STK11IP: variants seen among roughly 807,000 people sequenced by gnomAD.
STK11IP encodes the protein serine/threonine-protein kinase 11-interacting protein.
In STK11IP, 103 loss-of-function variants were observed where a neutral mutation model predicts 131.7. The observed-to-expected ratio is 0.78, with a 90% confidence interval of 0.67 to 0.92. The LOEUF (loss-of-function observed/expected upper bound fraction) is 0.92. STK11IP is among the 40% of genes least tolerant of loss of function. STK11IP has a pLI of 0.00. For missense variants in STK11IP, 1,315 were observed against 1,385.7 expected (o/e 0.95, Z 0.81); for synonymous variants, 557 against 575.6 (o/e 0.97, Z 0.46).
chr2:219,611,822 A>G lies in STK11IP; in HGVS notation c.2323A>G (p.Ser775Gly), dbSNP rs778041028. Residue 775 changes from serine to glycine, a missense_variant, in exon 18 of 25, where the codon AGC (serine) becomes GGC (glycine). Transcript: ENST00000456909. ...APSTRDHGSW[S>G]LSPPPERCGL... ...GAGCACCCGTGACCATGGTAGTTGG[A>G]GCCTCAGTCCCCGTGAGTATAGGCA... 6.2e-7 allele frequency: 1 copy of G among 1,612,348 alleles called. No individual in the cohort carries two copies. The highest frequency in any genetic ancestry group is 8.5e-7 in the Non-Finnish European group (1 of 1,179,498).
intron 16 of STK11IP, 74 bp from the exon 17 acceptor site, chr2:219,609,289 G>A (rs1299003552): frequency 6.3e-7 from 1 of 1,580,250 alleles, no homozygotes; most frequent in Non-Finnish European, 8.6e-7. Context: ...GCAGGCCTGA[G>A]GGCCGGGGGC....
chr2:219,608,857 T>C, intron 15 of STK11IP, 69 bp downstream of exon 15: 5 of 1,426,652 alleles, frequency 3.5e-6, no homozygotes, highest in Non-Finnish European at 4.7e-6. Context: ...TGCCCTGCAC[T>C]GGGCTGGGCA....
chr2:219,607,909 G>T (rs1698245040), intron 13 of STK11IP, 138 bp from the exon 14 acceptor site: 1 of 1,145,894 alleles, frequency 8.7e-7, no homozygotes. Context: ...ATGCCGCGGA[G>T]GGGACGCCTG....
At chr2:219,608,892 T>A in intron 15 of STK11IP, 104 bp downstream of exon 15, 1 of 1,294,428 alleles carries the variant, frequency 7.7e-7, no homozygotes, top group Non-Finnish European at 1.0e-6. Context: ...TCCTTGGCAC[T>A]AGGAGCCGAG....
At chr2:219,607,214 G>T in intron 13 of STK11IP, 77 bp downstream of exon 13, 1 of 1,399,226 alleles carries the variant, frequency 7.1e-7, no homozygotes, top group Non-Finnish European at 1.0e-6. Context: ...GTGAAGATCT[G>T]CTGGAAGAAA....
At position 219,614,533 on chromosome 2, in the gene STK11IP, G is replaced by A. The variant is rs747326290; in HGVS notation, c.2856G>A (p.Ala952=). The A allele has an allele frequency of 4.2e-5, 67 of 1,613,652 alleles. No individual in the cohort carries two copies. The highest frequency in any genetic ancestry group is 5.3e-5 in the African/African-American group (4 of 74,938). ...LEARQFFYLR[A]FLVEGPSTCL... ...CTCGCCAGTTCTTCTACCTTCGGGC[G>A]TTCCTGGTTGAAGGTGAAGCCTCTG... Residue 952 remains alanine, a synonymous_variant, in exon 23 of 25, where the codon GCG becomes GCA. Coordinates refer to ENST00000456909, the MANE Select transcript of STK11IP (RefSeq NM_052902.4).
intron 20 of STK11IP, 59 bp downstream of exon 20, chr2:219,613,284 T>TGGGGTGAGTTGGGGGGAGAG (rs1559187362): frequency 2.2e-5 from 2 of 90,614 alleles, no homozygotes; most frequent in South Asian, 5.9e-5. Flanking sequence ...TGGGGGGAGA[T>TGGGGTGAGTTGGGGGGAGAG]GGGGGAGTGA....
chr2:219,616,319 A>G lies in STK11IP; in HGVS notation c.*126A>G. The G allele has an allele frequency of 7.7e-7, 1 of 1,301,694 alleles. No individual in the cohort carries two copies. The highest frequency in any genetic ancestry group is 1.0e-6 in the Non-Finnish European group (1 of 965,994). 80.6% of individuals were successfully genotyped at this position (1,301,694 alleles called of 1,614,324 possible). On this transcript the variant is annotated 3_prime_UTR_variant, in exon 25 of 25. Transcript: ENST00000456909. ...TTCAGCCTCTGGGTGCTGGCCAGTG[A>G]GGTCCCAAATGACCCAGGGCTTAAG...
intron 19 of STK11IP, 90 bp downstream of exon 19, chr2:219,612,148 T>TA: frequency 8.4e-7 from 1 of 1,196,322 alleles, no homozygotes; most frequent in Non-Finnish European, 1.2e-6. Context: ...TCAAGCACTC[T>TA]AGAGACCTGA....
Position 219,613,137 on chromosome 2 carries a change from G to A in STK11IP, c.2449G>A (p.Ala817Thr). The A allele has an allele frequency of 6.2e-7, 1 of 1,612,040 alleles. No individual in the cohort carries two copies. The highest frequency in any genetic ancestry group is 8.5e-7 in the Non-Finnish European group (1 of 1,179,382). Residue 817 changes from alanine (A) to threonine (T), a missense_variant, in exon 20 of 25, where the codon GCA becomes ACA. Coordinates refer to ENST00000456909, the MANE Select transcript of STK11IP (RefSeq NM_052902.4). ...CTTCCTCTTCCCCCAGGTGCCAGTGGCATTGGCAGGCCACACTGGGGAGTT... is the reference window on the plus strand; with the variant it reads ...CTTCCTCTTCCCCCAGGTGCCAGTGACATTGGCAGGCCACACTGGGGAGTT... ...EFQCCLKVPV[A>T]LAGHTGEFMC...
At chr2:219,602,246 A>G (rs1698011011) in intron 5 of STK11IP, among the ~76,000 whole-genome samples, 163 bp downstream of exon 5, 2 of 152,172 alleles carry the variant, frequency 1.3e-5, no homozygotes, top group African/African-American at 2.4e-5. Context: ...AACTGCCTGT[A>G]TATTTATAGT....
At chr2:219,614,007 A>G (rs1020812572) in intron 21 of STK11IP, 77 bp downstream of exon 21, 3 of 1,502,314 alleles carry the variant, frequency 2.0e-6, no homozygotes, top group Admixed American at 2.1e-5. Context: ...CCCACCTGGT[A>G]CCCAGTAGCG....
rs762236974 is a variant in STK11IP at position 219,597,925 on chromosome 2, T to C, written c.-27+2T>C. 3 of 1,612,064 alleles carry C rather than the reference T, an allele frequency of 1.9e-6. No individual in the cohort carries two copies. In the East Asian group the frequency reaches 6.7e-5, roughly 36 times the overall value. On this transcript the variant is annotated splice_donor_variant, in intron 1 of 24. Transcript: ENST00000456909. LOFTEE classifies it low-confidence loss of function (5UTR_SPLICE). Reference sequence around the variant, plus strand: ...AGGAGGACCAGACGGGGAGGTTCGGTATGTCTGACCAGGACTTATGTTCCT... The same window carrying C: ...AGGAGGACCAGACGGGGAGGTTCGGCATGTCTGACCAGGACTTATGTTCCT...
At chr2:219,602,326 T>C (rs1698014038) in intron 5 of STK11IP, 142 bp from the exon 6 acceptor site, 1 of 688,324 alleles carries the variant, frequency 1.5e-6, no homozygotes, top group Non-Finnish European at 2.4e-6. Flanking sequence ...AGTTCTTGGG[T>C]CAGGGACCTG....
In STK11IP at chr2:219,601,374, C is replaced by T. The variant is rs376296031; in HGVS notation, c.201C>T (p.Ala67=). The T allele has an allele frequency of 1.7e-5, 27 of 1,614,032 alleles. No homozygotes were observed. In the Admixed American group the frequency reaches 1.8e-4, roughly 11 times the overall value. ...TGFVALPSHP[A]DSPVILQLQF... ...TTGTGGCTCTGCCCTCCCATCCTGC[C>T]GACTCCCCTGTTATTCTTCAGCTTC... is the stretch of plus-strand genomic sequence containing the variant. The change falls in exon 3 of 25, where the codon GCC becomes GCT. Residue 67 remains alanine, a synonymous_variant. Transcript: ENST00000456909.
At chr2:219,610,667 G>A (rs1698367139) in intron 17 of STK11IP, among the ~76,000 whole-genome samples, 1 of 152,194 alleles carries the variant, frequency 6.6e-6, no homozygotes. Flanking sequence ...CCAAAGTGCT[G>A]GGATTACAGG....
chr2:219,610,819 G>C (rs940440998), intron 17 of STK11IP, among the ~76,000 whole-genome samples: 6 of 152,178 alleles, frequency 3.9e-5, no homozygotes, highest in African/African-American at 1.4e-4. Context: ...AGAGGGCCTG[G>C]CACAACACAA....
rs371739145 is a variant in STK11IP at position 219,613,855 on chromosome 2, G to A, written c.2641G>A (p.Ala881Thr). 6.6e-4 allele frequency: 1,071 copies of A among 1,612,050 alleles called. 1 individual carries two copies. The highest frequency in any genetic ancestry group is 2.1e-3 in the Middle Eastern group (13 of 6,080). The change falls in exon 21 of 25, where the codon GCA becomes ACA. Residue 881 changes from alanine to threonine, a missense_variant. By Grantham distance (58) the Ala-to-Thr change is moderately conservative. Coordinates refer to ENST00000456909, the MANE Select transcript of STK11IP (RefSeq NM_052902.4). ...LAGQSLRLEWAAGAGRCVLLP... is the reference protein window; with the variant it reads ...LAGQSLRLEWTAGAGRCVLLP... ...AGGCCAGAGCCTGCGGCTAGAGTGG[G>A]CAGCTGGGGCGGGCCGCTGTGTGCT...
chr2:219,613,730 G>T, intron 20 of STK11IP, 22 bp from the exon 21 acceptor site: 1 of 1,612,134 alleles, frequency 6.2e-7, no homozygotes, highest in Non-Finnish European at 8.5e-7. Context: ...CTTCTCCATT[G>T]CTCTGTCCCC....
Sources: allele counts gnomAD v4.1 joint callset (sites outside exome capture counted in the v4.1 genomes callset), GRCh38; gene constraint gnomAD v4.1.1; transcripts MANE v1.5; gene names NCBI Gene and HGNC (gene_info 2026-07-23, HGNC 2026-07-21).